The following NRG3 variants were observed in gnomAD, a reference collection of about 807,000 sequenced individuals.
The protein encoded by NRG3 is neuregulin 3, also known as pro-neuregulin-3, membrane-bound isoform.
NRG3 carries 31 observed loss-of-function variants against 66.9 expected under a neutral mutation model. The observed-to-expected ratio is 0.46, with a 90% CI of 0.35 to 0.63. NRG3 has a LOEUF of 0.63. Ranked by LOEUF, NRG3 falls within the 20% of genes least tolerant of loss-of-function variation. The pLI is 0.00. For synonymous variants in NRG3, 393 were observed against 359.4 expected, an observed-to-expected ratio of 1.09 and a Z score of -1.06; for missense variants, 910 against 878.9, an observed-to-expected ratio of 1.04 and a Z score of -0.45.
At chr10:81,951,401 T>G (rs990275953) in intron 1 of NRG3, among the ~76,000 whole-genome samples, 1 of 152,118 alleles carries the variant, frequency 6.6e-6, no homozygotes, top group Admixed American at 6.5e-5. Context: ...ATGAAATACC[T>G]CCTGTTTATT....
chr10:81,986,459 G>A (rs1210737680), intron 1 of NRG3, among the ~76,000 whole-genome samples: 2 of 152,076 alleles, frequency 1.3e-5, no homozygotes, highest in Non-Finnish European at 2.9e-5. Flanking sequence ...GAAAAATTTA[G>A]TACAAATCAT....
At chr10:82,827,258 A>G (rs1046949248) in intron 3 of NRG3, 2 of 350,802 alleles carry the variant, frequency 5.7e-6, no homozygotes, top group African/African-American at 4.5e-5. Flanking sequence ...TAAAAATCTA[A>G]TTTCAAAGAC....
At chr10:82,906,017 T>G (rs1433953160) in intron 4 of NRG3, among the ~76,000 whole-genome samples, 1 of 152,160 alleles carries the variant, frequency 6.6e-6, no homozygotes, top group Non-Finnish European at 1.5e-5. Context: ...CAAAATCTTA[T>G]CAAAAATATC....
In NRG3 at chr10:82,404,921, T is replaced by C. The variant is rs114077641; in HGVS notation, c.953+46053T>C. Among the ~76,000 whole-genome samples, 858 of 152,048 alleles carry C rather than the reference T, an allele frequency of 5.6e-3. 8 individuals are homozygous for C. The highest frequency in any genetic ancestry group is 0.016 in the African/African-American group (674 of 41,476). On this transcript the variant is annotated intron_variant, in intron 2 of 8. Transcript: ENST00000372141. Reference sequence around the variant, plus strand: ...AGCACAGGTTCTGGTAGAGCGAGAGTGCTTTACAAAGACTTGCTGAGGATG... The same window carrying C: ...AGCACAGGTTCTGGTAGAGCGAGAGCGCTTTACAAAGACTTGCTGAGGATG...
intron 1 of NRG3, among the ~76,000 whole-genome samples, chr10:81,907,746 A>C (rs1844732199): frequency 6.6e-6 from 1 of 152,106 alleles, no homozygotes; most frequent in Non-Finnish European, 1.5e-5. Context: ...CTGGGAAACT[A>C]ATCTTAACAG....
chr10:82,118,837 C>T (rs367617281), intron 1 of NRG3, among the ~76,000 whole-genome samples: 1 of 152,090 alleles, frequency 6.6e-6, no homozygotes, highest in African/African-American at 2.4e-5. Flanking sequence ...TGAGCCTTTT[C>T]TCCATAGTTC....
intron 2 of NRG3, among the ~76,000 whole-genome samples, chr10:82,656,347 A>T (rs2051862225): frequency 7.2e-6 from 1 of 139,340 alleles, no homozygotes; most frequent in Non-Finnish European, 1.5e-5. Context: ...CACATGCTGG[A>T]ATGCCTCAGA....
chr10:82,781,552 T>C (rs2060118589), intron 3 of NRG3, among the ~76,000 whole-genome samples: 1 of 152,166 alleles, frequency 6.6e-6, no homozygotes, highest in South Asian at 2.1e-4. Flanking sequence ...CTGCTTTTTC[T>C]GATTGGCTCT....
At position 82,965,040 on chromosome 10, in the gene NRG3, A is replaced by G. The variant is rs557860818; in HGVS notation, c.1284+5965A>G. ...AGCATTTGCATTAGCCGGCACTTTC[A>G]GGGGGGCCAGTTGGATGAATGCTTC... On this transcript the variant is annotated intron_variant, in intron 6 of 8. Transcript: ENST00000372141. 1.2e-3 allele frequency among the ~76,000 whole-genome samples: 184 copies of G among 152,314 alleles called. 1 individual carries two copies. The highest frequency in any genetic ancestry group is 1.9e-3 in the Admixed American group (29 of 15,296).
At chr10:82,789,450 T>G (rs1298436939) in intron 3 of NRG3, among the ~76,000 whole-genome samples, 1 of 152,140 alleles carries the variant, frequency 6.6e-6, no homozygotes, top group Non-Finnish European at 1.5e-5. Flanking sequence ...TATCTTCTTT[T>G]TATATTATTT....
intron 2 of NRG3, among the ~76,000 whole-genome samples, chr10:82,636,022 C>A (rs1287155725): frequency 1.3e-5 from 2 of 151,866 alleles, no homozygotes; most frequent in African/African-American, 2.4e-5. Flanking sequence ...GGAGTAGTAG[C>A]AACAATGGAA....
intron 4 of NRG3, among the ~76,000 whole-genome samples, chr10:82,943,279 A>C (rs1398641266): frequency 6.6e-6 from 1 of 152,232 alleles, no homozygotes; most frequent in Non-Finnish European, 1.5e-5. Flanking sequence ...GACAATGAAT[A>C]AGAGGATAAG....
intron 1 of NRG3, among the ~76,000 whole-genome samples, chr10:82,195,974 A>G (rs1369672073): frequency 6.6e-6 from 1 of 152,144 alleles, no homozygotes; most frequent in African/African-American, 2.4e-5. Context: ...ATTTTAGTCC[A>G]ATGAGACTAG....
At chr10:82,863,140 T>C (rs1160116892) in intron 3 of NRG3, among the ~76,000 whole-genome samples, 4 of 152,190 alleles carry the variant, frequency 2.6e-5, no homozygotes, top group Non-Finnish European at 2.9e-5. Flanking sequence ...GTTAGTTTGC[T>C]GAGAATGATG....
intron 1 of NRG3, among the ~76,000 whole-genome samples, chr10:82,034,491 C>T (rs777263283): frequency 6.6e-6 from 1 of 152,030 alleles, no homozygotes; most frequent in African/African-American, 2.4e-5. Flanking sequence ...ATATGCATGA[C>T]CTGAAGCAAG....
intron 3 of NRG3, among the ~76,000 whole-genome samples, chr10:82,749,115 G>T (rs1327676020): frequency 6.6e-6 from 1 of 152,104 alleles, no homozygotes; most frequent in Non-Finnish European, 1.5e-5. Flanking sequence ...AGAGAGGAGG[G>T]TTTTATTTAG....
At chr10:82,139,092 G>T (rs893889811) in intron 1 of NRG3, among the ~76,000 whole-genome samples, 2 of 152,056 alleles carry the variant, frequency 1.3e-5, no homozygotes, top group African/African-American at 2.4e-5. Context: ...AATGAACTCT[G>T]TATCATGATA....
intron 2 of NRG3, among the ~76,000 whole-genome samples, chr10:82,464,532 C>G (rs1470250367): frequency 6.6e-6 from 1 of 152,142 alleles, no homozygotes; most frequent in Non-Finnish European, 1.5e-5. Context: ...ACCGTGGAGA[C>G]AGTCTGAGAG....
At chr10:82,394,827 C>T (rs906903732) in intron 2 of NRG3, among the ~76,000 whole-genome samples, 1 of 152,154 alleles carries the variant, frequency 6.6e-6, no homozygotes, top group Non-Finnish European at 1.5e-5. Context: ...TCTCCCACAG[C>T]TTTGCAACTG....
Sources: gnomAD v4.1 joint callset for allele counts (sites outside exome capture counted in the v4.1 genomes callset) on GRCh38, gnomAD v4.1.1 for gene constraint, MANE v1.5 for transcripts, NCBI Gene and HGNC (gene_info 2026-07-23, HGNC 2026-07-21) for gene names.